FCHO2: variants seen among roughly 807,000 people sequenced by gnomAD.
The protein encoded by FCHO2 is FCH and mu domain containing endocytic adaptor 2, also known as F-BAR domain only protein 2.
Under a neutral mutation model 114.1 loss-of-function variants are expected in FCHO2, and 43 were observed. The observed-to-expected ratio is 0.38, with a 90% CI of 0.30 to 0.49. FCHO2 has a LOEUF of 0.49. FCHO2 is among the 20% of genes least tolerant of loss of function. The pLI, the probability that FCHO2 is intolerant of heterozygous loss-of-function variation, is 0.97. For synonymous variants in FCHO2, 293 were observed against 315.2 expected (o/e 0.93, Z 0.75); for missense variants, 807 against 950.4 (o/e 0.85, Z 1.98).
intron 2 of FCHO2, among the ~76,000 whole-genome samples, chr5:72,979,234 C>G (rs1753045849): frequency 6.6e-6 from 1 of 152,058 alleles, no homozygotes; most frequent in Non-Finnish European, 1.5e-5. Context: ...GTGAATCCGT[C>G]TTGTCCTGAG....
chr5:73,081,987 A>G lies in FCHO2; in HGVS notation c.2180+5A>G. 6.8e-7 allele frequency: 1 copy of G among 1,466,898 alleles called. No individual in the cohort carries two copies. Among genetic ancestry groups the G allele is most frequent in the Non-Finnish European group, 9.1e-7 (1 of 1,099,306 alleles). 90.9% of individuals were successfully genotyped at this position (1,466,898 alleles called of 1,614,324 possible). On this transcript the variant is annotated splice_donor_5th_base_variant and intron_variant, in intron 23 of 25. Transcript: ENST00000430046. ...GTCCCTTCCCCCTGCAATATGGTAA[A>G]TTAAACATACGTTTCTGAATTCCCA...
At chr5:73,048,150 A>T (rs1007163215) in intron 11 of FCHO2, among the ~76,000 whole-genome samples, 13 of 151,454 alleles carry the variant, frequency 8.6e-5, no homozygotes, top group African/African-American at 3.2e-4. Flanking sequence ...CTTATTTTTT[A>T]TTTTTTTTAA....
chr5:73,065,486 C>T (rs1021700484), intron 18 of FCHO2, among the ~76,000 whole-genome samples: 2 of 151,952 alleles, frequency 1.3e-5, no homozygotes, highest in African/African-American at 4.8e-5. Context: ...TTATTAGCCA[C>T]GTATTAGCTG....
At chr5:73,029,691 G>T (rs904528295) in intron 8 of FCHO2, among the ~76,000 whole-genome samples, 2 of 152,176 alleles carry the variant, frequency 1.3e-5, no homozygotes, top group African/African-American at 4.8e-5. Context: ...TAAAATCATA[G>T]TGGAAGGCAA....
At chr5:73,009,271 C>T (rs1436124854) in intron 6 of FCHO2, among the ~76,000 whole-genome samples, 1 of 152,194 alleles carries the variant, frequency 6.6e-6, no homozygotes. Context: ...ATTAGGAGCA[C>T]ACATTTATAA....
intron 1 of FCHO2, among the ~76,000 whole-genome samples, chr5:72,963,835 G>A (rs1199557286): frequency 6.6e-6 from 1 of 150,650 alleles, no homozygotes; most frequent in Non-Finnish European, 1.5e-5. Flanking sequence ...CCAAGTGTGA[G>A]CCACCACACC....
intron 15 of FCHO2, among the ~76,000 whole-genome samples, chr5:73,055,688 C>G (rs1757558049): frequency 6.6e-6 from 1 of 152,086 alleles, no homozygotes; most frequent in African/African-American, 2.4e-5. Context: ...TAATAATATT[C>G]TTAGAACTTG....
Position 73,016,934 on chromosome 5 carries a change from T to A in FCHO2, c.700-278T>A, listed in dbSNP as rs929575235. ...ATTTTTGTTGTCTGTATAAGTCTTA[T>A]CATAAGAATGATGTCTCTAGAACGC... On this transcript the variant is annotated intron_variant, in intron 7 of 25. Coordinates refer to ENST00000430046, the MANE Select transcript of FCHO2 (RefSeq NM_138782.3). Among the ~76,000 whole-genome samples the A allele has an allele frequency of 3.3e-5, 5 of 152,148 alleles. No homozygotes were observed. The East Asian group carries it at 9.7e-4, about 29-fold the overall frequency.
chr5:72,983,114 A>G (rs1420733605), intron 2 of FCHO2, among the ~76,000 whole-genome samples: 3 of 151,860 alleles, frequency 2.0e-5, no homozygotes, highest in African/African-American at 2.4e-5. Flanking sequence ...GGGTTTCATC[A>G]TGTTATCCAG....
intron 23 of FCHO2, among the ~76,000 whole-genome samples, 192 bp from the exon 24 acceptor site, chr5:73,082,569 A>G (rs1445661307): frequency 1.3e-5 from 2 of 152,248 alleles, no homozygotes; most frequent in Non-Finnish European, 2.9e-5. Flanking sequence ...GTAAACTTCC[A>G]TTAATTGAAA....
At chr5:73,040,343 A>G (rs935043253) in intron 10 of FCHO2, among the ~76,000 whole-genome samples, 5 of 152,176 alleles carry the variant, frequency 3.3e-5, no homozygotes, top group Non-Finnish European at 5.9e-5. Context: ...TTAGTGTTCA[A>G]AAACTCTCAG....
At chr5:73,053,276 A>G (rs911422821) in intron 13 of FCHO2, among the ~76,000 whole-genome samples, 2 of 152,216 alleles carry the variant, frequency 1.3e-5, no homozygotes, top group African/African-American at 4.8e-5. Flanking sequence ...TCTCCCAGTC[A>G]TGTACTTCAG....
intron 8 of FCHO2, chr5:73,020,773 A>G (rs1755571945): frequency 9.7e-7 from 1 of 1,027,640 alleles, no homozygotes. Flanking sequence ...TGTGAGAGAT[A>G]TGGCACTGTC....
intron 5 of FCHO2, among the ~76,000 whole-genome samples, chr5:72,995,939 A>G (rs1309034050): frequency 6.6e-6 from 1 of 152,032 alleles, no homozygotes; most frequent in Non-Finnish European, 1.5e-5. Context: ...TCAATTGTCA[A>G]ATTGAAAAAA....
At chr5:73,080,364 T>C (rs942476267) in intron 22 of FCHO2, among the ~76,000 whole-genome samples, 2 of 152,220 alleles carry the variant, frequency 1.3e-5, no homozygotes, top group Non-Finnish European at 2.9e-5. Flanking sequence ...TTCTGTTAGA[T>C]TGTTGAAAGA....
At chr5:73,015,971 A>G (rs1755285659) in intron 7 of FCHO2, among the ~76,000 whole-genome samples, 1 of 152,164 alleles carries the variant, frequency 6.6e-6, no homozygotes, top group South Asian at 2.1e-4. Flanking sequence ...TTTTCTTTAT[A>G]TTGAATTTCT....
intron 24 of FCHO2, among the ~76,000 whole-genome samples, chr5:73,084,623 C>G (rs991460981): frequency 1.3e-4 from 20 of 152,120 alleles, no homozygotes; most frequent in African/African-American, 4.8e-4. Flanking sequence ...TGTTGCTGAG[C>G]TTTTTCTTTT....
At chr5:73,086,776 G>A (rs1743326883) in intron 24 of FCHO2, among the ~76,000 whole-genome samples, 1 of 151,970 alleles carries the variant, frequency 6.6e-6, no homozygotes, top group African/African-American at 2.4e-5. Flanking sequence ...CCATGGCCTG[G>A]CCCATGCTAC....
intron 22 of FCHO2, among the ~76,000 whole-genome samples, chr5:73,079,752 C>T (rs550055236): frequency 9.8e-5 from 15 of 152,302 alleles, no homozygotes; most frequent in African/African-American, 3.6e-4. Flanking sequence ...GGATGCAAAA[C>T]TCATGTATAA....
Sources: gnomAD v4.1 joint callset for allele counts (sites outside exome capture counted in the v4.1 genomes callset) on GRCh38, gnomAD v4.1.1 for gene constraint, MANE v1.5 for transcripts, NCBI Gene and HGNC (gene_info 2026-07-23, HGNC 2026-07-21) for gene names.